Variants in HSPA5 observed in about 807,000 individuals in gnomAD.
The protein encoded by HSPA5 is heat shock protein family A (Hsp70) member 5.
HSPA5 carries 16 observed loss-of-function variants against 49.5 expected under a neutral mutation model. The observed-to-expected ratio is 0.32, with a 90% CI of 0.22 to 0.49. The LOEUF is 0.49. Ranked by LOEUF, HSPA5 falls within the 20% of genes least tolerant of loss-of-function variation. The pLI is 0.99. For missense variants in HSPA5, 376 were observed against 819.0 expected, an observed-to-expected ratio of 0.46 and a Z score of 6.60; for synonymous variants, 271 against 307.2, an observed-to-expected ratio of 0.88 and a Z score of 1.23.
rs202121254 is a variant in HSPA5, at chr9:125,239,397, C to T, written c.605+24G>A. On this transcript the variant is annotated intron_variant, in intron 4 of 7. Coordinates refer to ENST00000324460, the MANE Select transcript of HSPA5 (RefSeq NM_005347.5). This position sits in a 1 kb window ranked among gnomAD's most constrained non-coding sequence, Gnocchi z 5.5. ...CATTTCCACTATTTGGCAAATATGC[C>T]GTATCCCTGAATTTCATACTTACGG... The T allele has an allele frequency of 1.7e-5, 27 of 1,613,466 alleles. No homozygotes were observed. The highest frequency in any genetic ancestry group is 9.3e-5 in the African/African-American group (7 of 74,986).
In HSPA5 at chr9:125,240,495, T is replaced by C. The variant is rs984574819; in HGVS notation, c.354+181A>G. On this transcript the variant is annotated intron_variant, in intron 2 of 7. Transcript: ENST00000324460. This position sits in a 1 kb window ranked among gnomAD's most constrained non-coding sequence, Gnocchi z 4.4. Reference sequence around the variant, plus strand: ...TAATCGGTCTTTTATTCCTAAACTATCGTAGACAGTACGACAGCAACTGTC... The same window carrying C: ...TAATCGGTCTTTTATTCCTAAACTACCGTAGACAGTACGACAGCAACTGTC... 1.3e-5 allele frequency among the ~76,000 whole-genome samples: 2 copies of C among 152,238 alleles called. No homozygotes were observed. The highest frequency in any genetic ancestry group is 4.8e-5 in the African/African-American group (2 of 41,458).
Position 125,236,082 on chromosome 9 carries a change from T to TG in HSPA5, c.*509_*510insC, listed in dbSNP as rs533396738. 7.1e-6 allele frequency: 1 copy of TG among 141,060 alleles called. No individual in the cohort carries two copies. Among genetic ancestry groups the TG allele is most frequent in the East Asian group, 2.1e-4 (1 of 4,854 alleles). 8.7% of individuals were successfully genotyped at this position (141,060 alleles called of 1,614,324 possible). Reference sequence around the variant, plus strand: ...AAGGATCACTTGGGCCCAGGAGGGTTAAAAAAAAAAAAAAAAATCCCTGGA... The same window carrying TG: ...AAGGATCACTTGGGCCCAGGAGGGTTGAAAAAAAAAAAAAAAAATCCCTGGA... On this transcript the variant is annotated 3_prime_UTR_variant, in exon 8 of 8. Transcript: ENST00000324460.
At position 125,238,555 on chromosome 9, in the gene HSPA5, G is replaced by C. The variant is rs750753672; in HGVS notation, c.1234+35C>G. The C allele has an allele frequency of 2.6e-6, 4 of 1,513,938 alleles. No individual in the cohort carries two copies. In the African/African-American group the frequency reaches 5.5e-5, roughly 21 times the overall value. 93.8% of individuals were successfully genotyped at this position (1,513,938 alleles called of 1,614,324 possible). A position where few individuals can be genotyped will look rare whatever the true frequency, so the allele number is the denominator to read the frequency against. On this transcript the variant is annotated intron_variant, in intron 6 of 7. Transcript: ENST00000324460. ...CTAATGAGTCTTCCATCAAGCTACT[G>C]AATCACTAAGAAAGATGCTGCGATG...
At position 125,239,449 on chromosome 9, in the gene HSPA5, G is replaced by C. The variant is rs1832535843; in HGVS notation, c.577C>G (p.Leu193Val). ...ATKDAGTIAG[L>V]NVMRIINEPT... ...TCGTTGATGATCCTCATAACATTTA[G>C]GCCAGCAATAGTTCCAGCGTCTTTG... Residue 193 changes from leucine (L) to valine (V), a missense_variant, in exon 4 of 8, where the codon CTA becomes GTA. Transcript: ENST00000324460. The surrounding 1 kb of genome is among the most constrained non-coding windows in gnomAD (Gnocchi z 5.5). The C allele has an allele frequency of 6.2e-7, 1 of 1,614,052 alleles. No individual in the cohort carries two copies. Among genetic ancestry groups the C allele is most frequent in the African/African-American group, 1.3e-5 (1 of 75,000 alleles).
chr9:125,240,195 C>T lies in HSPA5; in HGVS notation c.469G>A (p.Ala157Thr). The change falls in exon 3 of 8, where the codon GCT (alanine) becomes ACT (threonine). Residue 157 changes from alanine to threonine, a missense_variant. Coordinates refer to ENST00000324460, the MANE Select transcript of HSPA5 (RefSeq NM_005347.5). The surrounding 1 kb of genome is among the most constrained non-coding windows in gnomAD (Gnocchi z 4.4). ...ACCTTCTTTCCCAAATAAGCCTCAG[C>T]GGTTTCTTTCATTTTAGTGAGAACC... Reference protein sequence around the residue: ...AMVLTKMKETAEAYLGKKVTH... With the variant: ...AMVLTKMKETTEAYLGKKVTH... The T allele has an allele frequency of 1.9e-6, 3 of 1,602,244 alleles. No individual in the cohort carries two copies. The highest frequency in any genetic ancestry group is 2.5e-6 in the Non-Finnish European group (3 of 1,176,476).
intron 7 of HSPA5, 125 bp downstream of exon 7, chr9:125,238,016 C>A: frequency 1.4e-6 from 1 of 697,018 alleles, no homozygotes; most frequent in South Asian, 1.8e-5. Flanking sequence ...GCAGGAGAAT[C>A]ACTTGAACCC....
In HSPA5 at chr9:125,236,407, C is replaced by CA; in HGVS notation, c.*184dup. On this transcript the variant is annotated 3_prime_UTR_variant, in exon 8 of 8. Coordinates refer to ENST00000324460, the MANE Select transcript of HSPA5 (RefSeq NM_005347.5). ...GATGGCCAATTCTTCTTCTCCCCCC[C>CA]ACCCAAAGACATGTGAGCAACTGCT... 2.0e-6 allele frequency: 1 copy of CA among 491,478 alleles called. No homozygotes were observed. Among genetic ancestry groups the CA allele is most frequent in the South Asian group, 4.1e-5 (1 of 24,364 alleles). The allele number at this position is 491,478 out of a possible 1,614,324, so 30.4% of individuals were successfully genotyped here. A position where few individuals can be genotyped will look rare whatever the true frequency, so the allele number is the denominator to read the frequency against.
intron 7 of HSPA5, among the ~76,000 whole-genome samples, chr9:125,237,782 A>G (rs1832515814): frequency 6.6e-6 from 1 of 152,130 alleles, no homozygotes; most frequent in African/African-American, 2.4e-5. Context: ...AATAGGACAT[A>G]TTAAGTCATG....
At chr9:125,238,863 T>C in intron 5 of HSPA5, 36 bp from the exon 6 acceptor site, 12 of 1,609,428 alleles carry the variant, frequency 7.5e-6, no homozygotes, top group Non-Finnish European at 1.0e-5. Context: ...ATGTCTGTTA[T>C]CTAAGTATCT....
rs1832565406 is a variant in HSPA5 at position 125,241,336 on chromosome 9, C to T, written c.-210G>A. On this transcript the variant is annotated 5_prime_UTR_variant, in exon 1 of 8. Transcript: ENST00000324460. ...GGTCAATCTGTCTGTGCTGTCTTGGCCGGCGTCGACCTCACCGTCGCCTAC... is the reference window on the plus strand; with the variant it reads ...GGTCAATCTGTCTGTGCTGTCTTGGTCGGCGTCGACCTCACCGTCGCCTAC... 15 of 586,724 alleles carry T rather than the reference C, an allele frequency of 2.6e-5. No homozygotes were observed. In the South Asian group the frequency reaches 2.9e-4, roughly 11 times the overall value. 36.3% of individuals were successfully genotyped at this position (586,724 alleles called of 1,614,324 possible).
intron 7 of HSPA5, among the ~76,000 whole-genome samples, chr9:125,237,383 C>T (rs1588430061): frequency 6.6e-6 from 1 of 152,044 alleles, no homozygotes; most frequent in African/African-American, 2.4e-5. Flanking sequence ...TTTTCTTGTA[C>T]TCTAGGAGCC....
Position 125,240,965 on chromosome 9 carries a change from C to A in HSPA5, c.122+40G>T, listed in dbSNP as rs1222802309. 6.2e-7 allele frequency: 1 copy of A among 1,611,028 alleles called. No individual in the cohort carries two copies. The highest frequency in any genetic ancestry group is 8.5e-7 in the Non-Finnish European group (1 of 1,177,984). Reference sequence around the variant, plus strand: ...ACCGCACTTCTCACGCCAGGCCAGGCGGCCACGCCCCGTCCCCCTGCATCC... The same window carrying A: ...ACCGCACTTCTCACGCCAGGCCAGGAGGCCACGCCCCGTCCCCCTGCATCC... On this transcript the variant is annotated intron_variant, in intron 1 of 7. Transcript: ENST00000324460. This position sits in a 1 kb window ranked among gnomAD's most constrained non-coding sequence, Gnocchi z 4.4.
chr9:125,238,612 C>A lies in HSPA5; in HGVS notation c.1212G>T (p.Val404=), dbSNP rs201202868. Reference sequence around the variant, plus strand: ...TACCTGTATCTTGATCACCAGAGAGCACACCAGCCTGGACAGCAGCACCAT... The same window carrying A: ...TACCTGTATCTTGATCACCAGAGAGAACACCAGCCTGGACAGCAGCACCAT... ...VAYGAAVQAG[V]LSGDQDTGDL... Residue 404 remains valine, a synonymous_variant, in exon 6 of 8, where the codon GTG becomes GTT. Coordinates refer to ENST00000324460, the MANE Select transcript of HSPA5 (RefSeq NM_005347.5). 6.2e-7 allele frequency: 1 copy of A among 1,613,848 alleles called. No homozygotes were observed. Among genetic ancestry groups the A allele is most frequent in the South Asian group, 1.1e-5 (1 of 91,080 alleles).
chr9:125,240,325 ATT>A lies in HSPA5; in HGVS notation c.355-18_355-17del. 1 of 1,590,198 alleles carries A rather than the reference ATT, an allele frequency of 6.3e-7. No individual in the cohort carries two copies. Among genetic ancestry groups the A allele is most frequent in the Non-Finnish European group, 8.6e-7 (1 of 1,167,076 alleles). On this transcript the variant is annotated splice_polypyrimidine_tract_variant and intron_variant, in intron 2 of 7. Transcript: ENST00000324460. This position sits in a 1 kb window ranked among gnomAD's most constrained non-coding sequence, Gnocchi z 4.4. Reference sequence around the variant, plus strand: ...TTTCAACCACCTATTTTAAAGAATTATTGTTTTCAGACACAGATACAATGACA... The same window carrying A: ...TTTCAACCACCTATTTTAAAGAATTAGTTTTCAGACACAGATACAATGACA...
intron 6 of HSPA5, 55 bp from the exon 7 acceptor site, chr9:125,238,363 A>C: frequency 6.8e-7 from 1 of 1,476,930 alleles, no homozygotes; most frequent in Non-Finnish European, 9.4e-7. Context: ...GAGCTATGTA[A>C]AGTTTATCTC....
Position 125,236,542 on chromosome 9 carries a change from A to C in HSPA5, c.*50T>G. 1 of 1,339,014 alleles carries C rather than the reference A, an allele frequency of 7.5e-7. No homozygotes were observed. The highest frequency in any genetic ancestry group is 1.0e-6 in the Non-Finnish European group (1 of 978,314). 82.9% of individuals were successfully genotyped at this position (1,339,014 alleles called of 1,614,324 possible). A position where few individuals can be genotyped will look rare whatever the true frequency, so the allele number is the denominator to read the frequency against. On this transcript the variant is annotated 3_prime_UTR_variant, in exon 8 of 8. Coordinates refer to ENST00000324460, the MANE Select transcript of HSPA5 (RefSeq NM_005347.5). ...AGTTCTTTCAATTTTTTCCTAACAA[A>C]AGTTCCTGAGTCCAGTATTTACAAT...
Position 125,235,891 on chromosome 9 carries a change from A to G in HSPA5, c.*701T>C, listed in dbSNP as rs1245398491. 3.3e-5 allele frequency: 5 copies of G among 152,174 alleles called. No homozygotes were observed. The highest frequency in any genetic ancestry group is 2.0e-4 in the Admixed American group (3 of 15,264). The allele number at this position is 152,174 out of a possible 1,614,324, so 9.4% of individuals were successfully genotyped here. Reference sequence around the variant, plus strand: ...CAGTTTTAGAAAGATAAGGGGAAATAGGAAACCAAGTATGTTCAAGAAAAC... The same window carrying G: ...CAGTTTTAGAAAGATAAGGGGAAATGGGAAACCAAGTATGTTCAAGAAAAC... On this transcript the variant is annotated 3_prime_UTR_variant, in exon 8 of 8. Transcript: ENST00000324460.
chr9:125,241,019 C>A lies in HSPA5; in HGVS notation c.108G>T (p.Gly36=). The change falls in exon 1 of 8, where the codon GGG becomes GGT. Residue 36 remains glycine (G), a synonymous_variant. Coordinates refer to ENST00000324460, the MANE Select transcript of HSPA5 (RefSeq NM_005347.5). ...DVGTVVGIDL[G]TTYSCVGVFK... The stretch of plus-strand genomic sequence containing the variant: ...ACCCCACTTACCAGGAGTAGGTGGT[C>A]CCCAGGTCGATGCCGACCACCGTGC... 1 of 1,613,534 alleles carries A rather than the reference C, an allele frequency of 6.2e-7. No individual in the cohort carries two copies.
At position 125,235,421 on chromosome 9, in the gene HSPA5, C is replaced by T. The variant is rs1356020639; in HGVS notation, c.*1171G>A. ...TTCACCATGTTGGCAAAGATGGTCTCTATCTCTTGACCTTGTGATCCACCC... is the reference window on the plus strand; with the variant it reads ...TTCACCATGTTGGCAAAGATGGTCTTTATCTCTTGACCTTGTGATCCACCC... On this transcript the variant is annotated 3_prime_UTR_variant, in exon 8 of 8. Transcript: ENST00000324460. 2 of 152,014 alleles carry T rather than the reference C, an allele frequency of 1.3e-5. No homozygotes were observed. The highest frequency in any genetic ancestry group is 2.4e-5 in the African/African-American group (1 of 41,378). 9.4% of individuals were successfully genotyped at this position (152,014 alleles called of 1,614,324 possible). A position where few individuals can be genotyped will look rare whatever the true frequency, so the allele number is the denominator to read the frequency against.
Sources: gnomAD v4.1 joint callset for allele counts (sites outside exome capture counted in the v4.1 genomes callset) on GRCh38, gnomAD v4.1.1 for gene constraint, Gnocchi (gnomAD v3.1) non-coding constraint, MANE v1.5 for transcripts, NCBI Gene and HGNC (gene_info 2026-07-23, HGNC 2026-07-21) for gene names.